RMST: variants seen among roughly 807,000 people sequenced by gnomAD.
RMST encodes the protein long intergenic non-protein coding RNA 54.
At chr12:97,550,281 A>G (rs11109104) in intron 11 of RMST, among the ~76,000 whole-genome samples, 9,887 of 152,242 alleles carry the variant, frequency 0.065, 452 homozygotes, top group East Asian at 0.19. Flanking sequence ...AGTCCCAGCT[A>G]CTTGGGAGAC....
chr12:97,543,302 A>C (rs546101506), intron 11 of RMST, among the ~76,000 whole-genome samples: 45 of 152,082 alleles, frequency 3.0e-4, no homozygotes, highest in African/African-American at 1.0e-3. Flanking sequence ...GGACAGAGTA[A>C]AGGCCATTCT....
At chr12:97,478,372 A>G (rs1381948183) in intron 5 of RMST, among the ~76,000 whole-genome samples, 1 of 152,220 alleles carries the variant, frequency 6.6e-6, no homozygotes, top group Non-Finnish European at 1.5e-5. Flanking sequence ...TCTTCTCTTA[A>G]CTGAAAATTC....
intron 11 of RMST, among the ~76,000 whole-genome samples, chr12:97,540,910 T>C (rs1565935749): frequency 6.7e-6 from 1 of 149,408 alleles, no homozygotes; most frequent in Non-Finnish European, 1.5e-5. Flanking sequence ...AGTGTATCCA[T>C]AGATTAGATA....
rs1026355447 is a variant in RMST, at chr12:97,500,400, C to T, written n.1340+4344C>T. On this transcript the variant is annotated intron_variant and non_coding_transcript_variant, in intron 10 of 13. Coordinates refer to ENST00000640149, the Ensembl canonical transcript of RMST. ...GGAAGCACGAGTGCTTCAGGATCCTCTACACAAATGAGGGATGATATAAGT... is the reference window on the plus strand; with the variant it reads ...GGAAGCACGAGTGCTTCAGGATCCTTTACACAAATGAGGGATGATATAAGT... Among the ~76,000 whole-genome samples the T allele has an allele frequency of 1.3e-5, 2 of 152,268 alleles. 1 individual carries two copies. The highest frequency in any genetic ancestry group is 4.1e-4 in the South Asian group (2 of 4,824).
intron 11 of RMST, among the ~76,000 whole-genome samples, chr12:97,555,391 T>G (rs189608308): frequency 6.6e-6 from 1 of 152,354 alleles, no homozygotes; most frequent in Admixed American, 6.5e-5. Context: ...TGGTGTATTT[T>G]ATGGTGTTTC....
At chr12:97,521,013 A>G (rs1287062003) in intron 10 of RMST, among the ~76,000 whole-genome samples, 1 of 152,198 alleles carries the variant, frequency 6.6e-6, no homozygotes, top group Non-Finnish European at 1.5e-5. Context: ...CTTTCTTGAA[A>G]CAAATCTTTA....
chr12:97,520,534 TACAA>T (rs577436433), intron 10 of RMST, among the ~76,000 whole-genome samples: 7 of 152,250 alleles, frequency 4.6e-5, no homozygotes, highest in African/African-American at 1.7e-4. Context: ...TTAATAATTA[TACAA>T]ACAAATAAAA....
intron 10 of RMST, among the ~76,000 whole-genome samples, chr12:97,520,824 G>A (rs1047981977): frequency 1.6e-4 from 24 of 152,072 alleles, no homozygotes; most frequent in African/African-American, 5.6e-4. Context: ...AGACCATATT[G>A]GAGCAAAAGG....
At chr12:97,527,218 TA>T (rs11311239) in intron 10 of RMST, among the ~76,000 whole-genome samples, 6,918 of 152,228 alleles carry the variant, frequency 0.045, 203 homozygotes, top group African/African-American at 0.056. Context: ...GGCACAAAGA[TA>T]AAAAGCATCT....
intron 10 of RMST, among the ~76,000 whole-genome samples, chr12:97,501,431 T>A (rs538631349): frequency 6.6e-6 from 1 of 152,370 alleles, no homozygotes; most frequent in African/African-American, 2.4e-5. Flanking sequence ...GTAAATTAGC[T>A]TATTTGATAA....
intron 10 of RMST, among the ~76,000 whole-genome samples, chr12:97,496,216 A>C (rs1195053894): frequency 6.6e-6 from 1 of 152,104 alleles, no homozygotes; most frequent in East Asian, 1.9e-4. Context: ...TAGGATGCAA[A>C]AATTTCACTT....
At chr12:97,561,583 A>G (rs1471320052) in intron 13 of RMST, among the ~76,000 whole-genome samples, 1 of 147,726 alleles carries the variant, frequency 6.8e-6, no homozygotes, top group Non-Finnish European at 1.5e-5. Context: ...TGGGACGAGC[A>G]TGATTCAAAT....
At chr12:97,497,397 C>G (rs148849863) in intron 10 of RMST, among the ~76,000 whole-genome samples, 2 of 152,258 alleles carry the variant, frequency 1.3e-5, no homozygotes, top group African/African-American at 4.8e-5. Flanking sequence ...ATTTTGGACC[C>G]TCATTTATTT....
At chr12:97,517,047 GTATT>G (rs1261785314) in intron 10 of RMST, among the ~76,000 whole-genome samples, 1 of 151,850 alleles carries the variant, frequency 6.6e-6, no homozygotes, top group African/African-American at 2.4e-5. Flanking sequence ...TTATGTGTAT[GTATT>G]TATTTCAGAC....
chr12:97,497,920 G>A (rs968858604), intron 10 of RMST, among the ~76,000 whole-genome samples: 6 of 152,152 alleles, frequency 3.9e-5, no homozygotes, highest in South Asian at 2.1e-4. Flanking sequence ...CTAATGTGAC[G>A]TAAAGTTAAT....
At chr12:97,502,661 C>T (rs1878210773) in intron 10 of RMST, among the ~76,000 whole-genome samples, 1 of 152,060 alleles carries the variant, frequency 6.6e-6, no homozygotes, top group Non-Finnish European at 1.5e-5. Context: ...GATGAGGTCT[C>T]ACTAAGTGCC....
intron 10 of RMST, among the ~76,000 whole-genome samples, chr12:97,500,895 A>G (rs1878013309): frequency 6.6e-6 from 1 of 152,240 alleles, no homozygotes; most frequent in Admixed American, 6.5e-5. Flanking sequence ...ACAGAATACA[A>G]TTGAATTACT....
At chr12:97,552,744 G>T (rs1565938734) in intron 11 of RMST, among the ~76,000 whole-genome samples, 1 of 152,192 alleles carries the variant, frequency 6.6e-6, no homozygotes, top group Non-Finnish European at 1.5e-5. Context: ...TTAGACCACA[G>T]CAGTGACTTT....
chr12:97,490,547 A>C (rs57312651), intron 5 of RMST, among the ~76,000 whole-genome samples: 1 of 152,186 alleles, frequency 6.6e-6, no homozygotes, highest in Non-Finnish European at 1.5e-5. Context: ...CACATAGTCA[A>C]GTATCATAAG....
Sources: gnomAD v4.1 joint callset for allele counts (sites outside exome capture counted in the v4.1 genomes callset) on GRCh38, gnomAD v4.1.1 for gene constraint, MANE v1.5 for transcripts, NCBI Gene and HGNC (gene_info 2026-07-23, HGNC 2026-07-21) for gene names.